Variants in CDH4 observed in about 807,000 individuals in gnomAD.
The protein encoded by CDH4 is cadherin-4.
CDH4 carries 33 observed loss-of-function variants against 86.0 expected under a neutral mutation model. The observed-to-expected ratio is 0.38, with a 90% CI of 0.29 to 0.51. The LOEUF (loss-of-function observed/expected upper bound fraction) is 0.51, where lower values mean the gene tolerates loss of function less well. CDH4 is among the 20% of genes least tolerant of loss of function. CDH4 has a pLI of 0.86. For synonymous variants in CDH4, 555 were observed against 549.4 expected (o/e 1.01, Z -0.14); for missense variants, 1,114 against 1,307.4 (o/e 0.85, Z 2.28).
At chr20:61,566,159 C>T (rs1355185770) in intron 2 of CDH4, among the ~76,000 whole-genome samples, 1 of 152,208 alleles carries the variant, frequency 6.6e-6, no homozygotes, top group East Asian at 1.9e-4. Flanking sequence ...TTCTTCCACC[C>T]CTGCATGGTC....
At chr20:61,914,680 A>G (rs2054886801) in intron 9 of CDH4, among the ~76,000 whole-genome samples, 1 of 152,140 alleles carries the variant, frequency 6.6e-6, no homozygotes, top group Admixed American at 6.5e-5. Context: ...CTCCCACCAG[A>G]GCAACAGAAA....
chr20:61,441,123 G>A (rs781123968), intron 2 of CDH4, among the ~76,000 whole-genome samples: 18 of 152,334 alleles, frequency 1.2e-4, no homozygotes, highest in Non-Finnish European at 2.1e-4. Context: ...TGTGCTATGT[G>A]GCGAGCTTTC....
intron 2 of CDH4, among the ~76,000 whole-genome samples, chr20:61,612,395 G>A (rs2086691999): frequency 1.3e-5 from 2 of 152,034 alleles, no homozygotes; most frequent in African/African-American, 2.4e-5. Context: ...TATTTTTGAG[G>A]CCTGACGTAT....
intron 4 of CDH4, among the ~76,000 whole-genome samples, chr20:61,790,922 T>TCGTTCATCTCTCCATTCATC (rs1204640356): frequency 6.6e-6 from 1 of 150,590 alleles, no homozygotes; most frequent in Non-Finnish European, 1.5e-5. Context: ...CTACACCCAT[T>TCGTTCATCTCTCCATTCATC]CGTTCATCTC....
In CDH4 at chr20:61,681,746, C is replaced by T. The variant is rs1241850190; in HGVS notation, c.170-61817C>T. ...ATGTGGAGCTGCCACCCTAGAAAGC[C>T]CTGCGTCGGTGTTGCTGTGTTCTCA... On this transcript the variant is annotated intron_variant, in intron 2 of 15. Transcript: ENST00000614565. This position sits in a 1 kb window ranked among gnomAD's most constrained non-coding sequence, Gnocchi z 4.5. Among the ~76,000 whole-genome samples the T allele has an allele frequency of 6.6e-6, 1 of 152,160 alleles. No homozygotes were observed. Among genetic ancestry groups the T allele is most frequent in the Non-Finnish European group, 1.5e-5 (1 of 68,042 alleles).
intron 2 of CDH4, among the ~76,000 whole-genome samples, chr20:61,679,992 G>T (rs1321660508): frequency 6.6e-6 from 1 of 152,132 alleles, no homozygotes; most frequent in South Asian, 2.1e-4. Context: ...CCCGAGTGAA[G>T]CTTGCAGCCC....
chr20:61,637,877 C>T (rs769657682), intron 2 of CDH4, among the ~76,000 whole-genome samples: 3 of 151,986 alleles, frequency 2.0e-5, no homozygotes, highest in East Asian at 3.9e-4. Context: ...AAAAATTAGC[C>T]GGACATGGTG....
chr20:61,353,695 CCCT>C (rs1472621837), intron 2 of CDH4, among the ~76,000 whole-genome samples: 23 of 60,704 alleles, frequency 3.8e-4, no homozygotes, highest in African/African-American at 1.4e-3. Context: ...CCTCCTCCTC[CCCT>C]CCTCCTCCTC....
chr20:61,342,028 G>A (rs562221485), intron 2 of CDH4, among the ~76,000 whole-genome samples: 22 of 152,292 alleles, frequency 1.4e-4, no homozygotes, highest in Non-Finnish European at 2.1e-4. Context: ...GGGTGAGGCT[G>A]TTGGCAGCAG....
chr20:61,749,927 G>A (rs1025464375), intron 3 of CDH4, among the ~76,000 whole-genome samples: 1 of 152,138 alleles, frequency 6.6e-6, no homozygotes, highest in Non-Finnish European at 1.5e-5. Flanking sequence ...CAGGCATGGT[G>A]GCACGCCCCT....
At chr20:61,334,463 TAAAC>T (rs1568802510) in intron 2 of CDH4, among the ~76,000 whole-genome samples, 1 of 152,028 alleles carries the variant, frequency 6.6e-6, no homozygotes, top group African/African-American at 2.4e-5. Context: ...GGCTAATGGA[TAAAC>T]AAACAGCAGA....
intron 2 of CDH4, among the ~76,000 whole-genome samples, chr20:61,472,221 T>C (rs2085508203): frequency 6.6e-6 from 1 of 152,230 alleles, no homozygotes; most frequent in Admixed American, 6.5e-5. Flanking sequence ...TTGTTACAGC[T>C]GCTTGCTGAA....
intron 2 of CDH4, among the ~76,000 whole-genome samples, chr20:61,545,685 C>T (rs1029279601): frequency 6.6e-6 from 1 of 152,196 alleles, no homozygotes; most frequent in African/African-American, 2.4e-5. Flanking sequence ...CAACTGGTGC[C>T]GCTCATGCTT....
chr20:61,844,835 C>T lies in CDH4; in HGVS notation c.732+12C>T, dbSNP rs1982362258. 1.9e-6 allele frequency: 3 copies of T among 1,605,538 alleles called. No homozygotes were observed. The highest frequency in any genetic ancestry group is 4.5e-5 in the East Asian group (2 of 44,616). Reference sequence around the variant, plus strand: ...ACGCCTCTTACCACGTGAGTGTCCACACCCGGCTGAGAATGGGGCCCTGGG... The same window carrying T: ...ACGCCTCTTACCACGTGAGTGTCCATACCCGGCTGAGAATGGGGCCCTGGG... On this transcript the variant is annotated intron_variant, in intron 5 of 15. Transcript: ENST00000614565.
At chr20:61,870,052 G>T (rs941636962) in intron 6 of CDH4, among the ~76,000 whole-genome samples, 1 of 152,208 alleles carries the variant, frequency 6.6e-6, no homozygotes, top group African/African-American at 2.4e-5. Flanking sequence ...CTCAAAGGGA[G>T]TACGCGGGTC....
In CDH4 at chr20:61,499,423, A is replaced by C. The variant is rs948487551; in HGVS notation, c.170-244140A>C. ...TGGGGTGCAGGTGTGCCTGGTTCAGAACAAGGATTCGATGAACGGCAGCTG... is the reference window on the plus strand; with the variant it reads ...TGGGGTGCAGGTGTGCCTGGTTCAGCACAAGGATTCGATGAACGGCAGCTG... On this transcript the variant is annotated intron_variant, in intron 2 of 15. Coordinates refer to ENST00000614565, the MANE Select transcript of CDH4 (RefSeq NM_001794.5). 2.8e-5 allele frequency: 36 copies of C among 1,287,382 alleles called. No homozygotes were observed. The African/African-American group carries it at 5.3e-4, about 19-fold the overall frequency. 79.7% of individuals were successfully genotyped at this position (1,287,382 alleles called of 1,614,324 possible).
intron 2 of CDH4, among the ~76,000 whole-genome samples, chr20:61,741,804 C>T (rs150379762): frequency 1.8e-3 from 271 of 152,186 alleles, no homozygotes; most frequent in African/African-American, 6.3e-3. Flanking sequence ...TCCCAAAGTG[C>T]TGAGATGACA....
intron 2 of CDH4, among the ~76,000 whole-genome samples, chr20:61,633,846 C>T (rs909711342): frequency 3.9e-5 from 6 of 152,210 alleles, no homozygotes; most frequent in African/African-American, 9.6e-5. Flanking sequence ...ATCTCCCCCC[C>T]AGCTGTCCAT....
chr20:61,652,938 A>ATTTATTTATTTTTTT (rs1555819716), intron 2 of CDH4, among the ~76,000 whole-genome samples: 2 of 97,400 alleles, frequency 2.1e-5, no homozygotes, highest in African/African-American at 3.4e-5. Context: ...TTATTTATTT[A>ATTTATTTATTTTTTT]TTTTTTTTTT....
Sources: allele counts gnomAD v4.1 joint callset (sites outside exome capture counted in the v4.1 genomes callset), GRCh38; gene constraint gnomAD v4.1.1; non-coding constraint Gnocchi (gnomAD v3.1); transcripts MANE v1.5; gene names NCBI Gene and HGNC (gene_info 2026-07-23, HGNC 2026-07-21).